The following ELMO1 variants were observed in gnomAD, a reference collection of about 807,000 sequenced individuals.
The protein encoded by ELMO1 is engulfment and cell motility 1, also known as engulfment and cell motility protein 1.
Under a neutral mutation model 98.9 loss-of-function variants are expected in ELMO1, and 26 were observed. That is an observed-to-expected ratio of 0.26 (90% CI 0.19 to 0.36). ELMO1 has a LOEUF of 0.36. Ranked by LOEUF, ELMO1 falls within the 10% of genes least tolerant of loss-of-function variation. ELMO1 has a pLI of 1.00. For missense variants in ELMO1, 627 were observed against 935.2 expected, an observed-to-expected ratio of 0.67 and a Z score of 4.30; for synonymous variants, 346 against 346.0, an observed-to-expected ratio of 1.00 and a Z score of 0.00.
At chr7:37,133,285 C>A in intron 13 of ELMO1, 51 bp from the exon 14 acceptor site, 1 of 1,427,848 alleles carries the variant, frequency 7.0e-7, no homozygotes, top group South Asian at 1.2e-5. Context: ...CAGATTTTAC[C>A]AACCACCAGA....
At chr7:36,897,044 TGAA>T (rs1238695499) in intron 16 of ELMO1, among the ~76,000 whole-genome samples, 1 of 152,186 alleles carries the variant, frequency 6.6e-6, no homozygotes, top group Admixed American at 6.5e-5. Flanking sequence ...ATTTTACAGA[TGAA>T]GAAGATGATT....
Position 37,211,398 on chromosome 7 carries a change from C to T in ELMO1, c.1074G>A (p.Lys358=), listed in dbSNP as rs770577691. The T allele has an allele frequency of 1.1e-4, 172 of 1,613,930 alleles. No individual in the cohort carries two copies. Among genetic ancestry groups the T allele is most frequent in the Non-Finnish European group, 1.4e-4 (165 of 1,179,954 alleles). Residue 358 remains lysine, a synonymous_variant, in exon 13 of 22, where the codon AAG becomes AAA. Transcript: ENST00000310758. The stretch of plus-strand genomic sequence containing the variant: ...ATAGCTTACTTACAATGAACCCAAG[C>T]TTCTTATAATCTCGCGTGTACATGG... The part of the protein sequence containing the change: ...RKSMYTRDYK[K]LGFINHVNPA...
In ELMO1 at chr7:37,194,344, C is replaced by G. The variant is rs190860543; in HGVS notation, c.1086+17042G>C. 3.9e-5 allele frequency among the ~76,000 whole-genome samples: 6 copies of G among 152,310 alleles called. No individual in the cohort carries two copies. The East Asian group carries it at 1.2e-3, about 29-fold the overall frequency. On this transcript the variant is annotated intron_variant, in intron 13 of 21. Transcript: ENST00000310758. ...ATCTCCTATCTGCAGAAAGAGCAAC[C>G]CAGCTTCCCGGCCACACAAGCTGTG...
At chr7:37,190,036 C>T (rs1791469190) in intron 13 of ELMO1, among the ~76,000 whole-genome samples, 1 of 41,712 alleles carries the variant, frequency 2.4e-5, no homozygotes, top group South Asian at 1.5e-3. Flanking sequence ...CGTTTTGTCC[C>T]TACCAAAAAA....
chr7:37,175,013 A>C (rs180902949), intron 13 of ELMO1, among the ~76,000 whole-genome samples: 4 of 152,190 alleles, frequency 2.6e-5, no homozygotes, highest in African/African-American at 9.7e-5. Context: ...GTAAAAAATC[A>C]ATGGCGAAGT....
intron 16 of ELMO1, among the ~76,000 whole-genome samples, chr7:36,930,069 T>C (rs1882082): frequency 0.24 from 36,888 of 151,928 alleles, 4,694 homozygotes; most frequent in South Asian, 0.42. Context: ...TCAAAGAGAG[T>C]TGGGAAACAC....
At chr7:37,271,076 A>ACTACTCGGCGTCCCAC (rs1412233237) in intron 5 of ELMO1, 3 of 152,084 alleles carry the variant, frequency 2.0e-5, no homozygotes, top group African/African-American at 4.8e-5. Context: ...AGTAGCTGGG[A>ACTACTCGGCGTCCCAC]CTACAGGCGT....
At chr7:37,369,393 C>A (rs1027970128) in intron 1 of ELMO1, among the ~76,000 whole-genome samples, 1 of 151,992 alleles carries the variant, frequency 6.6e-6, no homozygotes, top group African/African-American at 2.4e-5. Context: ...AGTGTCATGT[C>A]GGCACTCAAA....
intron 1 of ELMO1, among the ~76,000 whole-genome samples, chr7:37,365,029 C>G (rs1416987687): frequency 1.3e-5 from 2 of 152,184 alleles, no homozygotes. Flanking sequence ...TCCTCACCCC[C>G]ACACGTTTCC....
chr7:37,029,296 T>C (rs1246109181), intron 15 of ELMO1, among the ~76,000 whole-genome samples: 2 of 152,134 alleles, frequency 1.3e-5, no homozygotes, highest in Non-Finnish European at 1.5e-5. Flanking sequence ...ACTGATCACA[T>C]ACATATCAAA....
intron 16 of ELMO1, among the ~76,000 whole-genome samples, chr7:36,993,488 C>T (rs920908972): frequency 6.6e-6 from 1 of 152,136 alleles, no homozygotes. Flanking sequence ...AGAGCCAGAT[C>T]GCTTCAAACT....
chr7:37,245,977 T>C (rs974774738), intron 6 of ELMO1, among the ~76,000 whole-genome samples: 1 of 152,190 alleles, frequency 6.6e-6, no homozygotes, highest in Non-Finnish European at 1.5e-5. Flanking sequence ...TGTGCTGATG[T>C]TGAAACACCA....
At chr7:37,016,539 C>G (rs898612104) in intron 15 of ELMO1, among the ~76,000 whole-genome samples, 1 of 152,086 alleles carries the variant, frequency 6.6e-6, no homozygotes, top group African/African-American at 2.4e-5. Context: ...AAATTAATTC[C>G]TCCACCCATT....
intron 4 of ELMO1, among the ~76,000 whole-genome samples, chr7:37,285,817 C>T (rs1019397909): frequency 1.3e-5 from 2 of 152,134 alleles, no homozygotes; most frequent in African/African-American, 2.4e-5. Context: ...GAGCGAACCA[C>T]GTTGAACAGC....
chr7:36,961,626 A>C (rs2129120806), intron 16 of ELMO1, among the ~76,000 whole-genome samples: 1 of 152,364 alleles, frequency 6.6e-6, no homozygotes, highest in South Asian at 2.1e-4. Flanking sequence ...CTAACTGCTC[A>C]AAAATCTTTT....
chr7:37,095,771 C>T (rs566717657), intron 15 of ELMO1, among the ~76,000 whole-genome samples: 2 of 152,184 alleles, frequency 1.3e-5, no homozygotes, highest in African/African-American at 2.4e-5. Context: ...TTTAAGCTCT[C>T]GAGCAGGCAA....
At chr7:36,940,051 T>C (rs1786897037) in intron 16 of ELMO1, among the ~76,000 whole-genome samples, 1 of 152,168 alleles carries the variant, frequency 6.6e-6, no homozygotes, top group Non-Finnish European at 1.5e-5. Flanking sequence ...CAAGACTTTG[T>C]AAACGGGAAG....
intron 8 of ELMO1, among the ~76,000 whole-genome samples, chr7:37,228,333 T>A (rs2111034): frequency 1.3e-4 from 19 of 151,998 alleles, no homozygotes; most frequent in African/African-American, 3.9e-4. Context: ...AGGTTATTCA[T>A]GCCTATTTAA....
intron 15 of ELMO1, among the ~76,000 whole-genome samples, chr7:37,081,033 C>G (rs980311716): frequency 6.6e-6 from 1 of 152,070 alleles, no homozygotes; most frequent in African/African-American, 2.4e-5. Context: ...ACTTCTTTAT[C>G]TGTTTATTAC....
Sources: allele counts gnomAD v4.1 joint callset (sites outside exome capture counted in the v4.1 genomes callset), GRCh38; gene constraint gnomAD v4.1.1; transcripts MANE v1.5; gene names NCBI Gene and HGNC (gene_info 2026-07-23, HGNC 2026-07-21).